DYNC2LI1: variants seen among roughly 807,000 people sequenced by gnomAD.
DYNC2LI1 encodes dynein cytoplasmic 2 light intermediate chain 1.
DYNC2LI1 carries 45 observed loss-of-function variants against 51.9 expected under a neutral mutation model. The ratio of observed to expected loss-of-function variants is 0.87; its 90% confidence interval spans 0.68 to 1.11. The LOEUF is 1.11. DYNC2LI1 is among the 50% of genes most tolerant of loss of function. DYNC2LI1 has a pLI of 0.00. For missense variants in DYNC2LI1, 490 were observed against 417.4 expected (o/e 1.17, Z -1.51); for synonymous variants, 130 against 137.8 (o/e 0.94, Z 0.40).
chr2:43,818,701 A>G, the DYNC2LI1 span, among the ~76,000 whole-genome samples: 3 of 152,186 alleles, frequency 2.0e-5, no homozygotes, highest in Non-Finnish European at 2.9e-5. Context: ...GACAAATACA[A>G]TATCATGGTC....
intron 12 of DYNC2LI1, chr2:43,805,484 A>G (rs534984284): frequency 4.0e-6 from 1 of 247,456 alleles, no homozygotes; most frequent in Admixed American, 5.5e-5. Context: ...CCACCCAGAC[A>G]TGACTTAGTG....
chr2:43,798,952 A>G (rs1572714822), intron 8 of DYNC2LI1, among the ~76,000 whole-genome samples: 1 of 151,862 alleles, frequency 6.6e-6, no homozygotes, highest in Admixed American at 6.6e-5. Flanking sequence ...TTGATCCTAT[A>G]TAGTGCAGTT....
downstream of DYNC2LI1, among the ~76,000 whole-genome samples, chr2:43,814,060 C>G (rs1666662926): frequency 6.6e-6 from 1 of 152,132 alleles, no homozygotes. Flanking sequence ...CTTGGTTCTA[C>G]TTCCATCTGG....
chr2:43,821,089 T>C, the DYNC2LI1 span, among the ~76,000 whole-genome samples: 1 of 152,244 alleles, frequency 6.6e-6, no homozygotes, highest in East Asian at 1.9e-4. Context: ...TTATCCCATT[T>C]GTAGAGTAAG....
chr2:43,799,195 GGAGGCT>G (rs1665991364), intron 8 of DYNC2LI1, among the ~76,000 whole-genome samples: 1 of 152,110 alleles, frequency 6.6e-6, no homozygotes, highest in African/African-American at 2.4e-5. Flanking sequence ...TAGCTACTTA[GGAGGCT>G]GAGGCAGGGA....
Position 43,789,713 on chromosome 2 carries a change from C to A in DYNC2LI1, c.312C>A (p.Asp104Glu), listed in dbSNP as rs754679765. Reference sequence around the variant, plus strand: ...TAATCAGCATACCCATCACAGGTGACACCTTACGGTAAGTGAGCCAGCTCC... The same window carrying A: ...TAATCAGCATACCCATCACAGGTGAAACCTTACGGTAAGTGAGCCAGCTCC... ...LDLISIPITGDTLRTFSLVLV... is the reference protein window; with the variant it reads ...LDLISIPITGETLRTFSLVLV... Residue 104 changes from aspartate to glutamate, a missense_variant, in exon 5 of 13, where the codon GAC (aspartate) becomes GAA (glutamate). Transcript: ENST00000260605. 6.2e-7 allele frequency: 1 copy of A among 1,613,574 alleles called. No homozygotes were observed. The highest frequency in any genetic ancestry group is 1.7e-5 in the Admixed American group (1 of 59,976).
intron 3 of DYNC2LI1, among the ~76,000 whole-genome samples, chr2:43,784,859 C>T (rs1206154418): frequency 6.6e-6 from 1 of 152,144 alleles, no homozygotes; most frequent in African/African-American, 2.4e-5. Context: ...GATAAAATTT[C>T]TATCTTTTGG....
At chr2:43,788,332 CTTATT>C (rs1243294373) in intron 4 of DYNC2LI1, among the ~76,000 whole-genome samples, 1 of 152,150 alleles carries the variant, frequency 6.6e-6, no homozygotes, top group East Asian at 1.9e-4. Context: ...TCACCTAAAA[CTTATT>C]TTATTGACAA....
chr2:43,813,200 A>G (rs1160369231), downstream of DYNC2LI1: 9 of 1,604,540 alleles, frequency 5.6e-6, no homozygotes, highest in African/African-American at 2.7e-5. Flanking sequence ...ACAAAATCAG[A>G]AAGTTCATTG....
At chr2:43,827,364 ATC>A in the DYNC2LI1 span, among the ~76,000 whole-genome samples, 1 of 151,878 alleles carries the variant, frequency 6.6e-6, no homozygotes, top group Non-Finnish European at 1.5e-5. Context: ...TGTTAAAAAC[ATC>A]TCTCTTATTT....
intron 3 of DYNC2LI1, among the ~76,000 whole-genome samples, chr2:43,784,581 T>A (rs1572699515): frequency 6.6e-6 from 1 of 152,086 alleles, no homozygotes; most frequent in Admixed American, 6.5e-5. Context: ...ATTACAGGCA[T>A]GTGCCACCAC....
chr2:43,827,099 C>CAGATCACCTGAGGTCAGGAGTTCG, the DYNC2LI1 span, among the ~76,000 whole-genome samples: 2 of 152,124 alleles, frequency 1.3e-5, no homozygotes, highest in Admixed American at 6.6e-5. Context: ...TCAAGGCAGG[C>CAGATCACCTGAGGTCAGGAGTTCG]AGATCACCTG....
downstream of DYNC2LI1, chr2:43,813,045 T>C (rs974775779): frequency 2.6e-6 from 2 of 761,152 alleles, no homozygotes; most frequent in African/African-American, 3.4e-5. Flanking sequence ...CATGGCACTC[T>C]CATTTCAGAC....
Position 43,774,045 on chromosome 2 carries a change from C to T in DYNC2LI1, c.-94C>T. Reference sequence around the variant, plus strand: ...GTCGCTCCCATGGCAACCCAGAAGGCCTCACTCCCAGACTCCTTGCGGAGC... The same window carrying T: ...GTCGCTCCCATGGCAACCCAGAAGGTCTCACTCCCAGACTCCTTGCGGAGC... On this transcript the variant is annotated 5_prime_UTR_variant, in exon 1 of 13. Transcript: ENST00000260605. 1 of 1,546,430 alleles carries T rather than the reference C, an allele frequency of 6.5e-7. No homozygotes were observed. The highest frequency in any genetic ancestry group is 8.8e-7 in the Non-Finnish European group (1 of 1,137,654).
intron 2 of DYNC2LI1, among the ~76,000 whole-genome samples, chr2:43,779,212 A>G (rs760227748): frequency 6.6e-6 from 1 of 152,208 alleles, no homozygotes; most frequent in Non-Finnish European, 1.5e-5. Flanking sequence ...GCCGTGAGCC[A>G]TCGTGATTGT....
the DYNC2LI1 span, chr2:43,820,063 A>C: frequency 1.2e-6 from 2 of 1,614,186 alleles, no homozygotes; most frequent in Non-Finnish European, 1.7e-6. Flanking sequence ...GCAGAAAAAT[A>C]TCCAAATCGG....
chr2:43,826,102 A>T, the DYNC2LI1 span, among the ~76,000 whole-genome samples: 4 of 151,918 alleles, frequency 2.6e-5, no homozygotes, highest in African/African-American at 9.7e-5. Context: ...CAGCCTTCCA[A>T]GTAGCTGGGA....
chr2:43,792,651 T>C, intron 5 of DYNC2LI1: 2 of 1,533,124 alleles, frequency 1.3e-6, no homozygotes, highest in South Asian at 1.2e-5. Context: ...TATTAAACAA[T>C]AACTCCTTGT....
intron 3 of DYNC2LI1, among the ~76,000 whole-genome samples, chr2:43,786,751 A>G (rs1673538351): frequency 6.6e-6 from 1 of 152,084 alleles, no homozygotes; most frequent in Non-Finnish European, 1.5e-5. Context: ...GCGTGAACCC[A>G]GGAGGCGGAG....
Sources: allele counts gnomAD v4.1 joint callset (sites outside exome capture counted in the v4.1 genomes callset), GRCh38; gene constraint gnomAD v4.1.1; transcripts MANE v1.5; gene names NCBI Gene and HGNC (gene_info 2026-07-23, HGNC 2026-07-21).